CAST: variants seen among roughly 807,000 people sequenced by gnomAD.
CAST encodes the protein MIR583 host.
In CAST, 76 loss-of-function variants were observed where a neutral mutation model predicts 119.6. The observed-to-expected ratio is 0.64, with a 90% CI of 0.53 to 0.77. The LOEUF is 0.77. CAST is among the 30% of genes least tolerant of loss of function. The pLI is 0.00. For missense variants in CAST, 953 were observed against 946.5 expected (o/e 1.01, Z -0.09); for synonymous variants, 319 against 331.6 (o/e 0.96, Z 0.41).
the CAST span, among the ~76,000 whole-genome samples, chr5:96,467,343 GT>G: frequency 1.8e-4 from 28 of 152,100 alleles, no homozygotes; most frequent in South Asian, 4.4e-3. Flanking sequence ...TTGCTATCAA[GT>G]TTTTTTAATT....
chr5:95,997,965 T>C, the CAST span, among the ~76,000 whole-genome samples: 1 of 132,756 alleles, frequency 7.5e-6, no homozygotes, highest in Non-Finnish European at 1.6e-5. Flanking sequence ...GAGAGAGGGT[T>C]TTTTTTTTTT....
At chr5:96,725,240 G>A (rs1759044277) in intron 4 of CAST, among the ~76,000 whole-genome samples, 1 of 152,206 alleles carries the variant, frequency 6.6e-6, no homozygotes, top group South Asian at 2.1e-4. Context: ...TGTGATATTG[G>A]ACAATCTCTT....
the CAST span, among the ~76,000 whole-genome samples, chr5:95,966,092 AGTTTCTT>A: frequency 6.6e-6 from 1 of 152,034 alleles, no homozygotes; most frequent in Non-Finnish European, 1.5e-5. Flanking sequence ...GAGGCTCAAG[AGTTTCTT>A]TTTAGGAAGG....
At chr5:96,277,118 CCT>C in the CAST span, among the ~76,000 whole-genome samples, 2 of 152,130 alleles carry the variant, frequency 1.3e-5, no homozygotes, top group African/African-American at 2.4e-5. Flanking sequence ...TCCATTTTCC[CCT>C]GTTTCAAAAC....
the CAST span, among the ~76,000 whole-genome samples, chr5:96,018,879 T>C: frequency 2.0e-5 from 3 of 152,210 alleles, no homozygotes; most frequent in Non-Finnish European, 2.9e-5. Context: ...ACAGTGTTAG[T>C]GTTCCATCAA....
chr5:96,246,981 A>G, the CAST span, among the ~76,000 whole-genome samples: 1 of 152,214 alleles, frequency 6.6e-6, no homozygotes, highest in African/African-American at 2.4e-5. Flanking sequence ...ATGGTTTGGA[A>G]GTCTGATTAC....
At chr5:96,614,948 A>G (rs1747426697) in intron 1 of CAST, among the ~76,000 whole-genome samples, 1 of 152,190 alleles carries the variant, frequency 6.6e-6, no homozygotes, top group African/African-American at 2.4e-5. Flanking sequence ...GTGAGCTGTG[A>G]GTAGGCTTTA....
the CAST span, among the ~76,000 whole-genome samples, chr5:96,325,586 C>T: frequency 6.6e-6 from 1 of 151,854 alleles, no homozygotes; most frequent in African/African-American, 2.4e-5. Context: ...CTCAAGCCAT[C>T]CTCCCACTTC....
chr5:95,964,572 G>A, the CAST span, among the ~76,000 whole-genome samples: 1 of 152,180 alleles, frequency 6.6e-6, no homozygotes, highest in African/African-American at 2.4e-5. Context: ...GAGGTTTAAT[G>A]GAGGTGATAG....
At chr5:96,003,240 T>C in the CAST span, among the ~76,000 whole-genome samples, 1 of 139,148 alleles carries the variant, frequency 7.2e-6, no homozygotes, top group South Asian at 2.3e-4. Context: ...ATTCTGTCTC[T>C]TAAAAAAATC....
At chr5:96,177,279 C>T in the CAST span, among the ~76,000 whole-genome samples, 1 of 152,176 alleles carries the variant, frequency 6.6e-6, no homozygotes, top group Non-Finnish European at 1.5e-5. Context: ...AAGCCTCTGT[C>T]TCTTTAAAAC....
At chr5:96,519,526 C>T in the CAST span, among the ~76,000 whole-genome samples, 6 of 152,082 alleles carry the variant, frequency 3.9e-5, no homozygotes, top group African/African-American at 7.2e-5. Context: ...GAAAGTTTGT[C>T]GCAAAATATG....
the CAST span, among the ~76,000 whole-genome samples, chr5:96,310,104 C>A: frequency 4.6e-5 from 7 of 152,132 alleles, no homozygotes; most frequent in African/African-American, 1.7e-4. Flanking sequence ...ACTGTTATTC[C>A]ATAGCTAATT....
chr5:96,630,943 A>T (rs72772051), intron 1 of CAST: 4,617 of 119,428 alleles, frequency 0.039, 820 homozygotes, highest in Non-Finnish European at 0.043. Context: ...ACTAAAAAAA[A>T]TTTTTTTAAA....
At chr5:96,100,977 C>T in the CAST span, among the ~76,000 whole-genome samples, 1 of 152,066 alleles carries the variant, frequency 6.6e-6, no homozygotes, top group African/African-American at 2.4e-5. Context: ...GACTAGAATG[C>T]AGTGATGTGA....
At chr5:96,401,530 G>T in the CAST span, among the ~76,000 whole-genome samples, 6 of 152,332 alleles carry the variant, frequency 3.9e-5, no homozygotes, top group South Asian at 6.2e-4. Context: ...GTCTTAGTAA[G>T]ATTAATTTAG....
chr5:96,567,022 T>G (rs1313217402), intron 1 of CAST, among the ~76,000 whole-genome samples: 1 of 152,220 alleles, frequency 6.6e-6, no homozygotes, highest in Non-Finnish European at 1.5e-5. Flanking sequence ...CGAGGGCTGG[T>G]GTCAGCATTT....
At chr5:96,576,439 G>A (rs1310804949) in intron 1 of CAST, among the ~76,000 whole-genome samples, 1 of 151,968 alleles carries the variant, frequency 6.6e-6, no homozygotes, top group African/African-American at 2.4e-5. Context: ...CCTCCTTGGG[G>A]GTTCAAGTGA....
At chr5:95,997,210 T>G in the CAST span, among the ~76,000 whole-genome samples, 1 of 152,132 alleles carries the variant, frequency 6.6e-6, no homozygotes, top group South Asian at 2.1e-4. Context: ...ATTCACATAT[T>G]TACCAGGGGA....
Sources: gnomAD v4.1 joint callset for allele counts (sites outside exome capture counted in the v4.1 genomes callset) on GRCh38, gnomAD v4.1.1 for gene constraint, MANE v1.5 for transcripts, NCBI Gene and HGNC (gene_info 2026-07-23, HGNC 2026-07-21) for gene names.